ARHGAP15: variants seen among roughly 807,000 people sequenced by gnomAD.
ARHGAP15 encodes the protein Rho GTPase activating protein 15.
ARHGAP15 carries 51 observed loss-of-function variants against 63.7 expected under a neutral mutation model. The ratio of observed to expected loss-of-function variants is 0.80; its 90% CI spans 0.64 to 1.01. The LOEUF is 1.01. Among genes scored for constraint, ARHGAP15 ranks in the 50% least tolerant of loss-of-function variants. The pLI, the probability that ARHGAP15 is intolerant of heterozygous loss-of-function variation, is 0.00. For missense variants in ARHGAP15, 560 were observed against 564.6 expected, an observed-to-expected ratio of 0.99 and a Z score of 0.08; for synonymous variants, 191 against 193.8, an observed-to-expected ratio of 0.99 and a Z score of 0.12.
chr2:143,247,290 G>A (rs1357165733), intron 5 of ARHGAP15: 1 of 152,416 alleles, frequency 6.6e-6, no homozygotes, highest in East Asian at 1.9e-4. Flanking sequence ...GCAAGAGGTT[G>A]TGGTTTTCCT....
chr2:143,605,858 C>CAAAAAAAAAAAAA lies in ARHGAP15; in HGVS notation c.1004-18259_1004-18247dup, dbSNP rs373847590. Reference sequence around the variant, plus strand: ...GTGAAACCCTGTCTCTACTAAAATACAAAAAAAAAAAAAAAAAAAAAAAAA... The same window carrying CAAAAAAAAAAAAA: ...GTGAAACCCTGTCTCTACTAAAATACAAAAAAAAAAAAAAAAAAAAAAAAAAAAAAAAAAAAAA... On this transcript the variant is annotated intron_variant, in intron 11 of 13. Coordinates refer to ENST00000295095, the MANE Select transcript of ARHGAP15 (RefSeq NM_018460.4). Among the ~76,000 whole-genome samples the CAAAAAAAAAAAAA allele has an allele frequency of 2.7e-4, 23 of 85,308 alleles. 1 individual carries two copies. The highest frequency in any genetic ancestry group is 9.8e-4 in the South Asian group (2 of 2,034). The allele number at this position is 85,308 out of a possible 152,430, so 56.0% of individuals were successfully genotyped here.
At chr2:143,547,154 C>T (rs1233647818) in intron 10 of ARHGAP15, among the ~76,000 whole-genome samples, 1 of 152,122 alleles carries the variant, frequency 6.6e-6, no homozygotes, top group African/African-American at 2.4e-5. Flanking sequence ...ACATTTATGT[C>T]TACTATCCTA....
intron 11 of ARHGAP15, among the ~76,000 whole-genome samples, chr2:143,603,720 G>A (rs1697868567): frequency 6.6e-6 from 1 of 152,178 alleles, no homozygotes; most frequent in African/African-American, 2.4e-5. Flanking sequence ...TGAACTTCCA[G>A]CGGCAGCTCT....
intron 2 of ARHGAP15, among the ~76,000 whole-genome samples, chr2:143,191,710 A>G (rs1691689573): frequency 6.6e-6 from 1 of 152,194 alleles, no homozygotes; most frequent in Admixed American, 6.5e-5. Flanking sequence ...TGAGTTTTGG[A>G]TCAATCTAGT....
rs528876266 is a variant in ARHGAP15 at position 143,257,044 on chromosome 2, A to T, written c.474+6444A>T. Reference sequence around the variant, plus strand: ...TTCTAAGAAATAATAAAACTTTTTTAAAAAATATATTCTAGACATCTAGAA... The same window carrying T: ...TTCTAAGAAATAATAAAACTTTTTTTAAAAATATATTCTAGACATCTAGAA... On this transcript the variant is annotated intron_variant, in intron 6 of 13. Transcript: ENST00000295095. 1.6e-4 allele frequency among the ~76,000 whole-genome samples: 24 copies of T among 152,266 alleles called. 1 individual carries two copies. In the South Asian group the frequency reaches 5.0e-3, roughly 32 times the overall value.
At chr2:143,171,712 C>T (rs891194665) in intron 2 of ARHGAP15, among the ~76,000 whole-genome samples, 1 of 152,046 alleles carries the variant, frequency 6.6e-6, no homozygotes, top group South Asian at 2.1e-4. Context: ...GAAAGGAATC[C>T]GTCCACCCCT....
intron 2 of ARHGAP15, among the ~76,000 whole-genome samples, chr2:143,165,960 GAGAAAGAA>G (rs778728158): frequency 2.6e-4 from 24 of 93,638 alleles, no homozygotes; most frequent in South Asian, 1.5e-3. Flanking sequence ...GAAAGAAAGA[GAGAAAGAA>G]AGAAAGAAAG....
chr2:143,307,610 G>A (rs1683233091), intron 6 of ARHGAP15, among the ~76,000 whole-genome samples: 1 of 152,022 alleles, frequency 6.6e-6, no homozygotes, highest in Non-Finnish European at 1.5e-5. Context: ...TTGATCTGGA[G>A]GTAACTGGTT....
intron 2 of ARHGAP15, among the ~76,000 whole-genome samples, chr2:143,194,996 TG>T (rs1332102595): frequency 6.6e-6 from 1 of 152,172 alleles, no homozygotes; most frequent in Non-Finnish European, 1.5e-5. Context: ...GCTAGACTTG[TG>T]CCAGGAGCGA....
intron 6 of ARHGAP15, among the ~76,000 whole-genome samples, chr2:143,353,965 C>T (rs897515658): frequency 2.0e-5 from 3 of 151,844 alleles, no homozygotes; most frequent in Admixed American, 2.0e-4. Context: ...ATGATGTTGT[C>T]TACAGAGCAA....
At chr2:143,262,984 C>T (rs1016273835) in intron 6 of ARHGAP15, among the ~76,000 whole-genome samples, 14 of 152,250 alleles carry the variant, frequency 9.2e-5, no homozygotes, top group African/African-American at 3.4e-4. Flanking sequence ...CATATTCCAC[C>T]TACTGGAGAC....
Position 143,270,843 on chromosome 2 carries a change from C to T in ARHGAP15, c.474+20243C>T, listed in dbSNP as rs146976168. On this transcript the variant is annotated intron_variant, in intron 6 of 13. Coordinates refer to ENST00000295095, the MANE Select transcript of ARHGAP15 (RefSeq NM_018460.4). The stretch of plus-strand genomic sequence containing the variant: ...TTTTGTAAGTAACCTCTTTGGCACT[C>T]GTGTTTATATCTTCATTCAGAAAAT... 3.7e-3 allele frequency among the ~76,000 whole-genome samples: 570 copies of T among 152,174 alleles called. 5 individuals are homozygous for T. Among genetic ancestry groups the T allele is most frequent in the African/African-American group, 0.012 (497 of 41,532 alleles).
intron 6 of ARHGAP15, among the ~76,000 whole-genome samples, chr2:143,276,396 T>C (rs1469077092): frequency 6.6e-6 from 1 of 152,218 alleles, no homozygotes; most frequent in Non-Finnish European, 1.5e-5. Flanking sequence ...TTCATAAAGC[T>C]CTTATGGCAA....
intron 2 of ARHGAP15, among the ~76,000 whole-genome samples, chr2:143,171,450 TC>T (rs1309513236): frequency 6.6e-6 from 1 of 152,086 alleles, no homozygotes; most frequent in East Asian, 1.9e-4. Context: ...AAATAAGGCA[TC>T]CTGGAGAGTA....
intron 9 of ARHGAP15, among the ~76,000 whole-genome samples, chr2:143,506,305 A>C (rs1232741490): frequency 1.3e-5 from 2 of 152,192 alleles, no homozygotes; most frequent in Non-Finnish European, 2.9e-5. Flanking sequence ...TAGTATTTTT[A>C]ATTACCTGAA....
chr2:143,261,325 C>CTTTTT (rs534351317), intron 6 of ARHGAP15, among the ~76,000 whole-genome samples: 3 of 89,526 alleles, frequency 3.4e-5, no homozygotes, highest in Non-Finnish European at 2.1e-5. Flanking sequence ...GAGGAATGAC[C>CTTTTT]TTTTTTTTTT....
intron 6 of ARHGAP15, among the ~76,000 whole-genome samples, chr2:143,263,952 C>A (rs1210451829): frequency 2.0e-5 from 2 of 102,268 alleles, no homozygotes; most frequent in African/African-American, 8.2e-5. Flanking sequence ...TTGTGCTCAC[C>A]AACATACTGA....
intron 1 of ARHGAP15, among the ~76,000 whole-genome samples, chr2:143,144,343 A>C (rs866254001): frequency 6.6e-6 from 1 of 152,022 alleles, no homozygotes; most frequent in Non-Finnish European, 1.5e-5. Context: ...TGTCTTTTAC[A>C]ATGGTTAAAC....
intron 13 of ARHGAP15, among the ~76,000 whole-genome samples, chr2:143,704,319 GCAGA>G (rs1174082233): frequency 2.6e-5 from 4 of 152,308 alleles, no homozygotes; most frequent in East Asian, 3.9e-4. Context: ...AGACCTAATG[GCAGA>G]CAACCACAGT....
Sources: allele counts gnomAD v4.1 joint callset (sites outside exome capture counted in the v4.1 genomes callset), GRCh38; gene constraint gnomAD v4.1.1; transcripts MANE v1.5; gene names NCBI Gene and HGNC (gene_info 2026-07-23, HGNC 2026-07-21).